THSD7A: variants seen among roughly 807,000 people sequenced by gnomAD.
THSD7A encodes the protein thrombospondin type-1 domain-containing protein 7A.
THSD7A carries 96 observed loss-of-function variants against 231.3 expected under a neutral mutation model. The observed-to-expected ratio is 0.41, with a 90% CI of 0.35 to 0.49. The LOEUF (loss-of-function observed/expected upper bound fraction) is 0.49, where lower values mean the gene tolerates loss of function less well. THSD7A is among the 20% of genes least tolerant of loss of function. The pLI, the probability that THSD7A is intolerant of heterozygous loss-of-function variation, is 0.05. For missense variants in THSD7A, 2,290 were observed against 2,070.2 expected, an observed-to-expected ratio of 1.11 and a Z score of -2.06; for synonymous variants, 940 against 743.3, an observed-to-expected ratio of 1.26 and a Z score of -4.30.
At chr7:11,554,537 T>C (rs1475861582) in intron 4 of THSD7A, among the ~76,000 whole-genome samples, 4 of 152,128 alleles carry the variant, frequency 2.6e-5, no homozygotes, top group African/African-American at 9.7e-5. Flanking sequence ...TTTTGTTAAA[T>C]AGCTTTTGCT....
chr7:11,706,828 T>A (rs1012078260), intron 1 of THSD7A, among the ~76,000 whole-genome samples: 8 of 150,556 alleles, frequency 5.3e-5, no homozygotes, highest in African/African-American at 1.5e-4. Context: ...AAAGAATGAA[T>A]GACTTATCGG....
chr7:11,620,834 C>A (rs576730671), intron 2 of THSD7A, among the ~76,000 whole-genome samples: 2 of 152,294 alleles, frequency 1.3e-5, no homozygotes, highest in South Asian at 2.1e-4. Flanking sequence ...TTCCATCAGG[C>A]ACTCTCAGTA....
chr7:11,685,810 G>C (rs1205602637), intron 1 of THSD7A, among the ~76,000 whole-genome samples: 2 of 151,914 alleles, frequency 1.3e-5, no homozygotes, highest in Middle Eastern at 3.2e-3. Flanking sequence ...GCAATTTGAA[G>C]ATTTCTCAAA....
At chr7:11,429,175 C>T (rs1223841910) in intron 13 of THSD7A, 50 bp from the exon 14 acceptor site, 2 of 1,492,056 alleles carry the variant, frequency 1.3e-6, no homozygotes, top group Non-Finnish European at 1.8e-6. Flanking sequence ...CTGTCACTCT[C>T]CCATTACCAC....
chr7:11,639,680 A>G (rs1449469699), intron 1 of THSD7A, among the ~76,000 whole-genome samples: 1 of 151,926 alleles, frequency 6.6e-6, no homozygotes, highest in Admixed American at 6.6e-5. Context: ...AAAAAATAAT[A>G]ATAATAAATA....
chr7:11,511,563 A>G (rs1787809907), intron 6 of THSD7A, among the ~76,000 whole-genome samples: 2 of 152,238 alleles, frequency 1.3e-5, no homozygotes, highest in Non-Finnish European at 2.9e-5. Flanking sequence ...CCAAAACAGC[A>G]TGGTACTGGT....
In THSD7A at chr7:11,377,023, G is replaced by A. The variant is rs192857277; in HGVS notation, c.4802-366C>T. On this transcript the variant is annotated intron_variant, in intron 26 of 27. Transcript: ENST00000423059. This position sits in a 1 kb window ranked among gnomAD's most constrained non-coding sequence, Gnocchi z 4.5. ...TGTATTTTGAGAATTGCAATGAGAA[G>A]AAAAGATGAAAAATGCAATTTTAAG... The A allele has an allele frequency of 6.3e-6, 1 of 159,046 alleles. No homozygotes were observed. Among genetic ancestry groups the A allele is most frequent in the Non-Finnish European group, 1.4e-5 (1 of 72,728 alleles). 9.9% of individuals were successfully genotyped at this position (159,046 alleles called of 1,614,324 possible).
chr7:11,482,974 G>T (rs2128305140), intron 6 of THSD7A, among the ~76,000 whole-genome samples: 1 of 152,300 alleles, frequency 6.6e-6, no homozygotes, highest in African/African-American at 2.4e-5. Context: ...AATATAGGTG[G>T]TTAACGAGGT....
chr7:11,674,531 G>A (rs1315683460), intron 1 of THSD7A, among the ~76,000 whole-genome samples: 1 of 152,068 alleles, frequency 6.6e-6, no homozygotes, highest in Non-Finnish European at 1.5e-5. Flanking sequence ...GCTGCAAAAA[G>A]CACGAACTGT....
intron 1 of THSD7A, among the ~76,000 whole-genome samples, chr7:11,737,849 T>G (rs1180132338): frequency 1.3e-5 from 2 of 152,064 alleles, no homozygotes; most frequent in Admixed American, 1.3e-4. Flanking sequence ...AAAAATATTG[T>G]ACTAATTAGG....
At chr7:11,670,298 A>G (rs923132635) in intron 1 of THSD7A, among the ~76,000 whole-genome samples, 25 of 152,270 alleles carry the variant, frequency 1.6e-4, no homozygotes, top group African/African-American at 5.5e-4. Flanking sequence ...GGTGTAGTCA[A>G]TGGAGATCCA....
intron 16 of THSD7A, among the ~76,000 whole-genome samples, chr7:11,424,196 T>A (rs565547523): frequency 6.6e-5 from 10 of 152,154 alleles, no homozygotes; most frequent in African/African-American, 9.7e-5. Context: ...TAATTTTTTT[T>A]AATTTAAATT....
chr7:11,589,200 T>G (rs1428488804), intron 4 of THSD7A, among the ~76,000 whole-genome samples: 1 of 152,220 alleles, frequency 6.6e-6, no homozygotes, highest in African/African-American at 2.4e-5. Context: ...GCCTTTATCC[T>G]TGTTCTTTTT....
Position 11,447,308 on chromosome 7 carries a change from G to T in THSD7A, c.2722C>A (p.Gln908Lys). 1 of 1,613,016 alleles carries T rather than the reference G, an allele frequency of 6.2e-7. No individual in the cohort carries two copies. The highest frequency in any genetic ancestry group is 1.1e-5 in the South Asian group (1 of 91,046). ...ACQIPCQDDC[Q>K]LTSWSKFSSC... Reference sequence around the variant, plus strand: ...GAAAACTTGGACCAGCTGGTCAATTGACAGTCATCCTGGCAGGGGATCTGG... The same window carrying T: ...GAAAACTTGGACCAGCTGGTCAATTTACAGTCATCCTGGCAGGGGATCTGG... The change falls in exon 12 of 28, where the codon CAA becomes AAA. Residue 908 changes from glutamine to lysine, a missense_variant. By Grantham distance (53) the Gln-to-Lys change is moderately conservative (BLOSUM62 1). Transcript: ENST00000423059.
In THSD7A at chr7:11,636,404, C is replaced by T. The variant is rs1386222707; in HGVS notation, c.748G>A (p.Glu250Lys). Residue 250 changes from glutamate to lysine, a missense_variant, in exon 2 of 28, where the codon GAG (glutamate) becomes AAG (lysine). Glu to Lys is a moderately conservative substitution (Grantham distance 56). Transcript: ENST00000423059. This position sits in a 1 kb window ranked among gnomAD's most constrained non-coding sequence, Gnocchi z 10.0. ...VCQSSPCEAE[E>K]LRYSLHVGPW... ...CCCACATGCAGGCTGTACCTGAGCTCCTCGGCCTCGCATGGACTGGATTGG... is the reference window on the plus strand; with the variant it reads ...CCCACATGCAGGCTGTACCTGAGCTTCTCGGCCTCGCATGGACTGGATTGG... 2.5e-6 allele frequency: 4 copies of T among 1,613,790 alleles called. No homozygotes were observed. Among genetic ancestry groups the T allele is most frequent in the Middle Eastern group, 1.6e-4 (1 of 6,062 alleles).
At chr7:11,571,805 T>A (rs897398850) in intron 4 of THSD7A, among the ~76,000 whole-genome samples, 1 of 141,110 alleles carries the variant, frequency 7.1e-6, no homozygotes, top group Admixed American at 6.9e-5. Context: ...TATTGTATCT[T>A]TTTTTTTTCC....
At chr7:11,703,045 G>C (rs1780653745) in intron 1 of THSD7A, among the ~76,000 whole-genome samples, 1 of 151,140 alleles carries the variant, frequency 6.6e-6, no homozygotes, top group African/African-American at 2.4e-5. Flanking sequence ...CATGCTCAAA[G>C]CTAAGTGGCT....
intron 1 of THSD7A, among the ~76,000 whole-genome samples, chr7:11,802,002 G>C (rs751072143): frequency 6.6e-6 from 1 of 152,104 alleles, no homozygotes; most frequent in Non-Finnish European, 1.5e-5. Context: ...GATGTTAAAG[G>C]TTATTTATAT....
intron 23 of THSD7A, chr7:11,383,659 G>C (rs766287075): frequency 1.3e-5 from 2 of 151,580 alleles, no homozygotes; most frequent in Non-Finnish European, 1.5e-5. Flanking sequence ...AAGTTATCTT[G>C]TCATTTTAAA....
Sources: gnomAD v4.1 joint callset for allele counts (sites outside exome capture counted in the v4.1 genomes callset) on GRCh38, gnomAD v4.1.1 for gene constraint, Gnocchi (gnomAD v3.1) non-coding constraint, MANE v1.5 for transcripts, NCBI Gene and HGNC (gene_info 2026-07-23, HGNC 2026-07-21) for gene names.